The following MAP1B variants were observed in gnomAD, a reference collection of about 807,000 sequenced individuals.
MAP1B encodes microtubule-associated protein 1B.
MAP1B carries 12 observed loss-of-function variants against 176.1 expected under a neutral mutation model. The ratio of observed to expected loss-of-function variants is 0.07; its 90% CI spans 0.04 to 0.11. MAP1B has a LOEUF of 0.11. Among genes scored for constraint, MAP1B ranks in the 10% least tolerant of loss-of-function variants. MAP1B has a pLI of 1.00. For synonymous variants in MAP1B, 1,044 were observed against 1,135.0 expected (o/e 0.92, Z 1.61); for missense variants, 2,523 against 2,990.5 (o/e 0.84, Z 3.65).
chr5:72,129,055 G>C (rs941363739), intron 2 of MAP1B, among the ~76,000 whole-genome samples: 2 of 152,214 alleles, frequency 1.3e-5, no homozygotes, highest in Admixed American at 6.5e-5. Context: ...AGAGAGATGA[G>C]AAGTGAGATT....
chr5:72,194,500 G>T lies in MAP1B; in HGVS notation c.1145G>T (p.Cys382Phe). 6.2e-7 allele frequency: 1 copy of T among 1,614,122 alleles called. No homozygotes were observed. Among genetic ancestry groups the T allele is most frequent in the East Asian group, 2.2e-5 (1 of 44,882 alleles). Residue 382 changes from cysteine (C) to phenylalanine (F), a missense_variant, in exon 5 of 7, where the codon TGC becomes TTC. By Grantham distance (205) the Cys-to-Phe change is radical. This residue lies in a region of MAP1B where 1,925 missense variants were observed against 2,126.0 expected (regional missense o/e 0.91). Transcript: ENST00000296755. The surrounding 1 kb of genome is among the most constrained non-coding windows in gnomAD (Gnocchi z 7.2). ...IKMKRSIEEA[C>F]FTLQYLNKLS... ...ATGAAGAGAAGCATAGAAGAAGCCTGCTTCACTCTCCAGTACCTAAACAAA... is the reference window on the plus strand; with the variant it reads ...ATGAAGAGAAGCATAGAAGAAGCCTTCTTCACTCTCCAGTACCTAAACAAA...
chr5:72,134,105 TGTGA>T (rs777485511), intron 2 of MAP1B, among the ~76,000 whole-genome samples: 22 of 152,348 alleles, frequency 1.4e-4, no homozygotes, highest in Non-Finnish European at 2.4e-4. Flanking sequence ...TTCACATGTT[TGTGA>T]GTGAGAGTTT....
intron 2 of MAP1B, among the ~76,000 whole-genome samples, chr5:72,163,227 C>CAAAAAA (rs10608907): frequency 9.0e-5 from 7 of 78,126 alleles, no homozygotes; most frequent in East Asian, 3.6e-4. Context: ...GACTCCATCT[C>CAAAAAA]AAAAAAAAAA....
chr5:72,116,572 T>C (rs1745442303), intron 2 of MAP1B: 1 of 280,896 alleles, frequency 3.6e-6, no homozygotes, highest in Non-Finnish European at 7.0e-6. Flanking sequence ...ACCCATCTCG[T>C]CTTCTTCTTG....
chr5:72,190,080 C>T (rs1258887465), intron 4 of MAP1B, among the ~76,000 whole-genome samples: 2 of 152,168 alleles, frequency 1.3e-5, no homozygotes, highest in Non-Finnish European at 2.9e-5. Context: ...TCAAACTGGA[C>T]ACCCTATTCA....
intron 2 of MAP1B, among the ~76,000 whole-genome samples, chr5:72,180,637 C>T (rs554013621): frequency 6.6e-5 from 10 of 152,142 alleles, no homozygotes; most frequent in Non-Finnish European, 1.3e-4. Context: ...CTTAAGCCTC[C>T]GTTCTTTGTC....
intron 2 of MAP1B, among the ~76,000 whole-genome samples, chr5:72,138,433 C>G (rs1407781269): frequency 1.3e-5 from 2 of 152,084 alleles, no homozygotes; most frequent in African/African-American, 4.8e-5. Flanking sequence ...TGGATATAAA[C>G]AACCTTCTGA....
rs1381437388 is a variant in MAP1B at position 72,194,539 on chromosome 5, C to T, written c.1184C>T (p.Pro395Leu). Residue 395 changes from proline to leucine, a missense_variant, in exon 5 of 7, where the codon CCA (proline) becomes CTA (leucine). Transcript: ENST00000296755. This position sits in a 1 kb window ranked among gnomAD's most constrained non-coding sequence, Gnocchi z 7.2. Reference sequence around the variant, plus strand: ...TACCTAAACAAATTGTCCATGAAACCAGAACCTCTGTTTAGAAGTGTAGGC... The same window carrying T: ...TACCTAAACAAATTGTCCATGAAACTAGAACCTCTGTTTAGAAGTGTAGGC... Reference protein sequence around the residue: ...LQYLNKLSMKPEPLFRSVGNT... With the variant: ...LQYLNKLSMKLEPLFRSVGNT... The T allele has an allele frequency of 8.1e-6, 13 of 1,614,052 alleles. No individual in the cohort carries two copies. The highest frequency in any genetic ancestry group is 1.0e-5 in the Non-Finnish European group (12 of 1,180,014).
Position 72,208,074 on chromosome 5 carries a change from C to T in MAP1B, c.*2835C>T, listed in dbSNP as rs1018214860. On this transcript the variant is annotated 3_prime_UTR_variant, in exon 7 of 7. Transcript: ENST00000296755. Reference sequence around the variant, plus strand: ...AAATCTATCAGTACCTTTCTCCATCCGTTGTTCTCAATATGACCACAGAGC... The same window carrying T: ...AAATCTATCAGTACCTTTCTCCATCTGTTGTTCTCAATATGACCACAGAGC... 5 of 87,196 alleles carry T rather than the reference C, an allele frequency of 5.7e-5. No homozygotes were observed. The highest frequency in any genetic ancestry group is 3.3e-4 in the South Asian group (1 of 3,052). 5.4% of individuals were successfully genotyped at this position (87,196 alleles called of 1,614,324 possible). A position where few individuals can be genotyped will look rare whatever the true frequency, so the allele number is the denominator to read the frequency against.
intron 2 of MAP1B, among the ~76,000 whole-genome samples, chr5:72,156,882 C>T (rs1321403209): frequency 6.6e-6 from 1 of 152,234 alleles, no homozygotes. Context: ...TCCAAACTCA[C>T]TCCCCATTCC....
intron 2 of MAP1B, among the ~76,000 whole-genome samples, chr5:72,121,542 C>T (rs1313620746): frequency 6.6e-6 from 1 of 152,222 alleles, no homozygotes; most frequent in Non-Finnish European, 1.5e-5. Flanking sequence ...TTGCTAAAAA[C>T]ATCTTGCCTG....
chr5:72,171,351 G>T (rs1284172473), intron 2 of MAP1B, among the ~76,000 whole-genome samples: 3 of 152,208 alleles, frequency 2.0e-5, no homozygotes, highest in Non-Finnish European at 4.4e-5. Flanking sequence ...ACTTTGGGAG[G>T]CTGAGGTGGG....
Position 72,195,721 on chromosome 5 carries a change from G to A in MAP1B, c.2366G>A (p.Gly789Asp). ...AAAATAAAAGTCATTAAGAAGGAAGGCAAGGCCGCAGAGGCTGTCGCTGCA... is the reference window on the plus strand; with the variant it reads ...AAAATAAAAGTCATTAAGAAGGAAGACAAGGCCGCAGAGGCTGTCGCTGCA... Reference protein sequence around the residue: ...KGKIKVIKKEGKAAEAVAAAV... With the variant: ...KGKIKVIKKEDKAAEAVAAAV... The change falls in exon 5 of 7, where the codon GGC becomes GAC. Residue 789 changes from glycine to aspartate, a missense_variant. Physicochemically the swap from Gly to Asp is moderately conservative, Grantham distance 94 (BLOSUM62 -1). Coordinates refer to ENST00000296755, the MANE Select transcript of MAP1B (RefSeq NM_005909.5). 6.2e-7 allele frequency: 1 copy of A among 1,614,236 alleles called. No individual in the cohort carries two copies. The highest frequency in any genetic ancestry group is 8.5e-7 in the Non-Finnish European group (1 of 1,180,042).
chr5:72,152,353 C>T (rs1746156351), intron 2 of MAP1B, among the ~76,000 whole-genome samples: 1 of 152,178 alleles, frequency 6.6e-6, no homozygotes, highest in African/African-American at 2.4e-5. Context: ...CGTTCACTCC[C>T]CTTCCTACCC....
intron 2 of MAP1B, chr5:72,116,465 A>G (rs78329240): frequency 0.046 from 19,062 of 418,248 alleles, 1,159 homozygotes; most frequent in East Asian, 0.2. Flanking sequence ...TAAGGATGCA[A>G]AAATTTGTCA....
chr5:72,159,347 A>G (rs948656582), intron 2 of MAP1B, among the ~76,000 whole-genome samples: 1 of 152,146 alleles, frequency 6.6e-6, no homozygotes, highest in Non-Finnish European at 1.5e-5. Flanking sequence ...CTACATTTGG[A>G]CTTATTTCTT....
chr5:72,180,409 CAAG>C (rs1009284975), intron 2 of MAP1B, among the ~76,000 whole-genome samples: 6 of 152,136 alleles, frequency 3.9e-5, no homozygotes, highest in Non-Finnish European at 5.9e-5. Flanking sequence ...ATCTTTGTTT[CAAG>C]AAGACCACTG....
At chr5:72,200,438 C>T (rs1747307621) in intron 5 of MAP1B, 71 bp downstream of exon 5, 2 of 1,538,304 alleles carry the variant, frequency 1.3e-6, no homozygotes, top group African/African-American at 1.4e-5. Context: ...CTTTATATTT[C>T]CCTGTTTGGC....
In MAP1B at chr5:72,209,312, G is replaced by A. The variant is rs927590193; in HGVS notation, c.*4073G>A. 1.3e-5 allele frequency: 2 copies of A among 152,088 alleles called. No individual in the cohort carries two copies. The highest frequency in any genetic ancestry group is 4.8e-5 in the African/African-American group (2 of 41,396). The allele number at this position is 152,088 out of a possible 1,614,324, so 9.4% of individuals were successfully genotyped here. ...AAGTGGTCTTGAGCCCAGCTGAGAA[G>A]CACTTCACACTCCTCTCTCTTGTTC... On this transcript the variant is annotated 3_prime_UTR_variant, in exon 7 of 7. Coordinates refer to ENST00000296755, the MANE Select transcript of MAP1B (RefSeq NM_005909.5).
Sources: allele counts gnomAD v4.1 joint callset (sites outside exome capture counted in the v4.1 genomes callset), GRCh38; gene constraint gnomAD v4.1.1; regional missense constraint gnomAD v4.1.1; non-coding constraint Gnocchi (gnomAD v3.1); transcripts MANE v1.5; gene names NCBI Gene and HGNC (gene_info 2026-07-23, HGNC 2026-07-21).